Variants in TMEM232 observed in about 807,000 individuals in gnomAD.
TMEM232 encodes the protein transmembrane protein 232.
A neutral mutation model predicts 78.8 loss-of-function variants in TMEM232; 80 were observed. That is an observed-to-expected ratio of 1.01 (90% CI 0.85 to 1.22). The LOEUF is 1.22. Among genes scored for constraint, TMEM232 ranks in the 50% most tolerant of loss-of-function variants. The pLI is 0.00. For missense variants in TMEM232, 881 were observed against 742.2 expected, an observed-to-expected ratio of 1.19 and a Z score of -2.17; for synonymous variants, 297 against 254.3, an observed-to-expected ratio of 1.17 and a Z score of -1.60.
At chr5:110,471,574 G>A (rs140798466) in intron 12 of TMEM232, among the ~76,000 whole-genome samples, 2,000 of 151,764 alleles carry the variant, frequency 0.013, 19 homozygotes, top group Middle Eastern at 0.038. Flanking sequence ...CAGACACTGT[G>A]TAGTCCAGGA....
chr5:110,469,554 A>C (rs1299285799), intron 12 of TMEM232, among the ~76,000 whole-genome samples: 2 of 152,164 alleles, frequency 1.3e-5, no homozygotes, highest in African/African-American at 4.8e-5. Context: ...ATGGAACCTG[A>C]GCTAAAGCTG....
intron 7 of TMEM232, among the ~76,000 whole-genome samples, chr5:110,622,507 C>A (rs948979897): frequency 2.0e-5 from 3 of 152,250 alleles, no homozygotes; most frequent in Admixed American, 6.5e-5. Context: ...CATGTCCCTA[C>A]AAAGGACATG....
intron 1 of TMEM232, among the ~76,000 whole-genome samples, chr5:110,675,540 T>C (rs796311847): frequency 6.6e-6 from 1 of 152,180 alleles, no homozygotes; most frequent in African/African-American, 2.4e-5. Context: ...CATGGAGCTG[T>C]ATTCTGCCAA....
At chr5:110,599,268 T>C in intron 10 of TMEM232, among the ~76,000 whole-genome samples, 1 of 151,960 alleles carries the variant, frequency 6.6e-6, no homozygotes, top group African/African-American at 2.4e-5. Context: ...TCAACTACTG[T>C]GCAAAATAAC....
intron 1 of TMEM232, among the ~76,000 whole-genome samples, chr5:110,737,673 T>C (rs560589947): frequency 1.3e-5 from 2 of 152,330 alleles, no homozygotes; most frequent in Non-Finnish European, 2.9e-5. Flanking sequence ...TGCCTCTACA[T>C]GTCCTTTGCT....
At chr5:110,588,782 G>T (rs1779159321) in intron 10 of TMEM232, among the ~76,000 whole-genome samples, 2 of 152,222 alleles carry the variant, frequency 1.3e-5, no homozygotes, top group South Asian at 4.1e-4. Flanking sequence ...AGCAGACTTT[G>T]TTCACTGTTT....
intron 8 of TMEM232, chr5:110,610,529 T>C (rs901181480): frequency 3.5e-5 from 16 of 455,820 alleles, no homozygotes; most frequent in Admixed American, 9.4e-5. Context: ...CCAGCAGCCA[T>C]AGTATTTGTG....
chr5:110,615,238 G>C (rs543327418), intron 8 of TMEM232, among the ~76,000 whole-genome samples: 2 of 151,828 alleles, frequency 1.3e-5, no homozygotes, highest in Non-Finnish European at 2.9e-5. Flanking sequence ...CTTTTAGAAG[G>C]GTCTACAGTT....
intron 13 of TMEM232, among the ~76,000 whole-genome samples, 159 bp downstream of exon 13, chr5:110,424,663 CA>C (rs11357450): frequency 0.091 from 13,831 of 152,146 alleles, 803 homozygotes; most frequent in South Asian, 0.17. Flanking sequence ...CACTGGTGTA[CA>C]GATAACATAG....
chr5:110,725,764 A>G (rs1013872376), intron 1 of TMEM232: 2 of 152,152 alleles, frequency 1.3e-5, no homozygotes, highest in African/African-American at 4.8e-5. Context: ...TTCTTCATGT[A>G]TTTTTTTAAA....
intron 12 of TMEM232, among the ~76,000 whole-genome samples, chr5:110,446,710 C>T (rs1020249804): frequency 1.3e-5 from 2 of 152,082 alleles, no homozygotes; most frequent in Non-Finnish European, 2.9e-5. Flanking sequence ...TCTTGACAGG[C>T]TGGCTTACTT....
At chr5:110,527,915 C>A (rs1460045775) in intron 12 of TMEM232, among the ~76,000 whole-genome samples, 1 of 151,830 alleles carries the variant, frequency 6.6e-6, no homozygotes, top group Non-Finnish European at 1.5e-5. Flanking sequence ...AAGAGATCTA[C>A]AATGTAAAAT....
chr5:110,410,876 TA>T (rs901333253), intron 2 of TMEM232, among the ~76,000 whole-genome samples: 1 of 152,150 alleles, frequency 6.6e-6, no homozygotes, highest in Non-Finnish European at 1.5e-5. Flanking sequence ...CTTTGGAGCC[TA>T]TGTTCTGTCT....
chr5:110,546,723 T>A (rs536611625), intron 11 of TMEM232, among the ~76,000 whole-genome samples: 56 of 152,252 alleles, frequency 3.7e-4, no homozygotes, highest in Admixed American at 1.3e-3. Flanking sequence ...CTAATTCACA[T>A]GGAGTAGTGA....
In TMEM232 at chr5:110,419,612, T is replaced by C. The variant is rs1756450565; in HGVS notation, c.*968A>G. 6.6e-6 allele frequency among the ~76,000 whole-genome samples: 1 copy of C among 152,102 alleles called. No individual in the cohort carries two copies. The highest frequency in any genetic ancestry group is 2.1e-4 in the South Asian group (1 of 4,830). ...TGGAATGTAACCGAGTGATGGGAAA[T>C]TTCTCTATATGGGATAGGTATTCCT... On this transcript the variant is annotated 3_prime_UTR_variant, in exon 14 of 14. Transcript: ENST00000455884.
intron 2 of TMEM232, among the ~76,000 whole-genome samples, chr5:110,401,626 C>T (rs1440034906): frequency 1.3e-5 from 2 of 152,006 alleles, no homozygotes; most frequent in Non-Finnish European, 2.9e-5. Flanking sequence ...AAGTGGTGTG[C>T]TTAATAAGTG....
In TMEM232 at chr5:110,732,425, T is replaced by G. The variant is rs548573946; in HGVS notation, c.-13+2478A>C. 1.3e-4 allele frequency among the ~76,000 whole-genome samples: 20 copies of G among 152,258 alleles called. No homozygotes were observed. The East Asian group carries it at 3.3e-3, about 25-fold the overall frequency. The stretch of plus-strand genomic sequence containing the variant: ...CTGCTGATAAAGACATACCCAAAAC[T>G]GGGAACAAAAAGAGGTTTAATTGGA... On this transcript the variant is annotated intron_variant, in intron 2 of 4. Transcript: ENST00000512886.
chr5:110,549,482 G>C (rs1774189327), intron 11 of TMEM232, among the ~76,000 whole-genome samples: 1 of 151,670 alleles, frequency 6.6e-6, no homozygotes, highest in Admixed American at 6.6e-5. Flanking sequence ...GGGCATGATG[G>C]CCTGCATGTG....
rs1054725448 is a variant in TMEM232 at position 110,635,197 on chromosome 5, T to C, written c.501+3001A>G. On this transcript the variant is annotated intron_variant, in intron 5 of 13. Transcript: ENST00000455884. ...AAGATTGAATCATTAACAAAAAGAT[T>C]CCCCCAAAAAAGAAAAGTCCAGTAC... Among the ~76,000 whole-genome samples, 4 of 151,548 alleles carry C rather than the reference T, an allele frequency of 2.6e-5. No individual in the cohort carries two copies. In the East Asian group the frequency reaches 7.8e-4, roughly 29 times the overall value.
Sources: allele counts gnomAD v4.1 joint callset (sites outside exome capture counted in the v4.1 genomes callset), GRCh38; gene constraint gnomAD v4.1.1; transcripts MANE v1.5; gene names NCBI Gene and HGNC (gene_info 2026-07-23, HGNC 2026-07-21).